FEM1B: variants seen among roughly 807,000 people sequenced by gnomAD.
The protein encoded by FEM1B is fem-1 homolog B.
In FEM1B, 10 loss-of-function variants were observed where a neutral mutation model predicts 38.6. The observed-to-expected ratio is 0.26, with a 90% confidence interval of 0.16 to 0.44. The LOEUF (loss-of-function observed/expected upper bound fraction) is 0.44. Among genes scored for constraint, FEM1B ranks in the 20% least tolerant of loss-of-function variants. The pLI is 1.00. For missense variants in FEM1B, 471 were observed against 786.7 expected (o/e 0.60, Z 4.80); for synonymous variants, 288 against 288.0 (o/e 1.00, Z 0.00).
chr15:68,279,542 G>A (rs963219082), intron 1 of FEM1B, among the ~76,000 whole-genome samples: 2 of 151,938 alleles, frequency 1.3e-5, no homozygotes, highest in Non-Finnish European at 2.9e-5. Context: ...TGCTACATAT[G>A]TTTTGGTTGA....
rs372215057 is a variant in FEM1B, at chr15:68,289,602, T to C, written c.249-5T>C. 1.2e-6 allele frequency: 2 copies of C among 1,611,402 alleles called. No individual in the cohort carries two copies. Among genetic ancestry groups the C allele is most frequent in the African/African-American group, 1.3e-5 (1 of 74,858 alleles). ...TATCTAACTGCTTATTCTTTTCATG[T>C]GTAGGTATGTCATTGATGGTGCCAC... is the stretch of plus-strand genomic sequence containing the variant. On this transcript the variant is annotated splice_region_variant and splice_polypyrimidine_tract_variant and intron_variant, in intron 1 of 1. Coordinates refer to ENST00000306917, the MANE Select transcript of FEM1B (RefSeq NM_015322.5). This position sits in a 1 kb window ranked among gnomAD's most constrained non-coding sequence, Gnocchi z 6.9.
In FEM1B at chr15:68,295,134, T is replaced by C. The variant is rs1479890856; in HGVS notation, c.*3892T>C. On this transcript the variant is annotated 3_prime_UTR_variant, in exon 2 of 2. Coordinates refer to ENST00000306917, the MANE Select transcript of FEM1B (RefSeq NM_015322.5). ...TTAAAACTGTAAAGTAAATGTGGTC[T>C]CTAGGTTTGTGGTGTGTACCTTTGT... 2.6e-5 allele frequency: 4 copies of C among 152,228 alleles called. No homozygotes were observed. The highest frequency in any genetic ancestry group is 9.6e-5 in the African/African-American group (4 of 41,466). 9.4% of individuals were successfully genotyped at this position (152,228 alleles called of 1,614,324 possible).
Position 68,280,850 on chromosome 15 carries a change from G to C in FEM1B, c.248+2185G>C, listed in dbSNP as rs1892718438. 6.6e-6 allele frequency among the ~76,000 whole-genome samples: 1 copy of C among 152,196 alleles called. No homozygotes were observed. The highest frequency in any genetic ancestry group is 2.4e-5 in the African/African-American group (1 of 41,442). On this transcript the variant is annotated intron_variant, in intron 1 of 1. Transcript: ENST00000306917. The surrounding 1 kb of genome is among the most constrained non-coding windows in gnomAD (Gnocchi z 4.2). ...TTAGCTTATGGATTATTACAATTATGAATTTATTAGCTGCTATGTAAAAAT... is the reference window on the plus strand; with the variant it reads ...TTAGCTTATGGATTATTACAATTATCAATTTATTAGCTGCTATGTAAAAAT...
chr15:68,278,714 A>G lies in FEM1B; in HGVS notation c.248+49A>G. The G allele has an allele frequency of 6.2e-7, 1 of 1,607,042 alleles. No individual in the cohort carries two copies. Among genetic ancestry groups the G allele is most frequent in the Non-Finnish European group, 8.5e-7 (1 of 1,174,750 alleles). On this transcript the variant is annotated intron_variant, in intron 1 of 1. Transcript: ENST00000306917. This position sits in a 1 kb window ranked among gnomAD's most constrained non-coding sequence, Gnocchi z 5.7. ...CTCTCCGACGCGCGCGGACTCGTTA[A>G]TTCACGGGCCCTCCCCTCCCTCACC...
At position 68,291,033 on chromosome 15, in the gene FEM1B, C is replaced by T; in HGVS notation, c.1675C>T (p.Leu559=). ...GACCTTGCACTCCATCATCATTAGC[C>T]TAGTTGAAGCCGGAGCTCACACTGA... ...FLTLHSIIIS[L]VEAGAHTDMT... is the part of the protein sequence containing the mutation. Residue 559 remains leucine (L), a synonymous_variant, in exon 2 of 2, where the codon CTA becomes TTA. Transcript: ENST00000306917. The surrounding 1 kb of genome is among the most constrained non-coding windows in gnomAD (Gnocchi z 6.9). 1.9e-6 allele frequency: 3 copies of T among 1,614,118 alleles called. No homozygotes were observed. Among genetic ancestry groups the T allele is most frequent in the Non-Finnish European group, 1.7e-6 (2 of 1,179,996 alleles).
chr15:68,289,901 T>C lies in FEM1B; in HGVS notation c.543T>C (p.Asn181=). ...TTTTAGAACAACGTGCTGATCCCAA[T>C]GCCAAAGCACATTGTGGAGCCACAG... ...RYLLEQRADP[N]AKAHCGATAL... is the part of the protein sequence containing the mutation. The change falls in exon 2 of 2, where the codon AAT becomes AAC. Residue 181 remains asparagine (N), a synonymous_variant. Coordinates refer to ENST00000306917, the MANE Select transcript of FEM1B (RefSeq NM_015322.5). The surrounding 1 kb of genome is among the most constrained non-coding windows in gnomAD (Gnocchi z 6.9). The C allele has an allele frequency of 6.2e-7, 1 of 1,613,998 alleles. No individual in the cohort carries two copies. The highest frequency in any genetic ancestry group is 8.5e-7 in the Non-Finnish European group (1 of 1,179,944).
chr15:68,288,739 G>GTTGA lies in FEM1B; in HGVS notation c.249-863_249-860dup, dbSNP rs766133819. ...CTGTTAGTATTTTTTTCCTGTAGTGGTTGATTGAGGAACACACAGACAAGC... is the reference window on the plus strand; with the variant it reads ...CTGTTAGTATTTTTTTCCTGTAGTGGTTGATTGATTGAGGAACACACAGACAAGC... On this transcript the variant is annotated intron_variant, in intron 1 of 1. Transcript: ENST00000306917. The surrounding 1 kb of genome is among the most constrained non-coding windows in gnomAD (Gnocchi z 4.6). Among the ~76,000 whole-genome samples, 19 of 152,182 alleles carry GTTGA rather than the reference G, an allele frequency of 1.2e-4. No homozygotes were observed. The highest frequency in any genetic ancestry group is 2.1e-4 in the Non-Finnish European group (14 of 68,006).
rs1293292795 is a variant in FEM1B, at chr15:68,294,112, T to TGAA, written c.*2872_*2874dup. The TGAA allele has an allele frequency of 6.6e-6, 1 of 152,184 alleles. No individual in the cohort carries two copies. The highest frequency in any genetic ancestry group is 1.9e-4 in the East Asian group (1 of 5,204). The allele number at this position is 152,184 out of a possible 1,614,324, so 9.4% of individuals were successfully genotyped here. A position where few individuals can be genotyped will look rare whatever the true frequency, so the allele number is the denominator to read the frequency against. On this transcript the variant is annotated 3_prime_UTR_variant, in exon 2 of 2. Transcript: ENST00000306917. This position sits in a 1 kb window ranked among gnomAD's most constrained non-coding sequence, Gnocchi z 4.4. The stretch of plus-strand genomic sequence containing the variant: ...TGATAGAGTTGGCAAAATTGAACTA[T>TGAA]GAAGTTAACTATTTAACTCAAGGAA...
rs201133680 is a variant in FEM1B, at chr15:68,290,560, C to A, written c.1202C>A (p.Thr401Asn). ...TCACAAATGATACATTTGAATGAAA[C>A]TGTGAAGGCCCCAGACATAGAATGT... ...VFSQMIHLNE[T>N]VKAPDIECVL... Residue 401 changes from threonine (T) to asparagine (N), a missense_variant, in exon 2 of 2, where the codon ACT becomes AAT. This residue lies in a region of FEM1B where 380 missense variants were observed against 599.6 expected (regional missense o/e 0.63). Transcript: ENST00000306917. This position sits in a 1 kb window ranked among gnomAD's most constrained non-coding sequence, Gnocchi z 9.7. 640 of 1,614,144 alleles carry A rather than the reference C, an allele frequency of 4.0e-4. 5 individuals carry two copies. The South Asian group carries it at 6.8e-3, about 17-fold the overall frequency.
At position 68,277,879 on chromosome 15, in the gene FEM1B, A is replaced by C. The variant is rs1215783110; in HGVS notation, c.-539A>C. The stretch of plus-strand genomic sequence containing the variant: ...TCCGGGGCCGTTGGCAGCGCCTGGC[A>C]CTTCTGAGCTCGGCGGACGAGAGCC... On this transcript the variant is annotated 5_prime_UTR_variant, in exon 1 of 2. Coordinates refer to ENST00000306917, the MANE Select transcript of FEM1B (RefSeq NM_015322.5). The C allele has an allele frequency of 6.6e-6, 1 of 152,510 alleles. No homozygotes were observed. The highest frequency in any genetic ancestry group is 2.4e-5 in the African/African-American group (1 of 41,474). 9.4% of individuals were successfully genotyped at this position (152,510 alleles called of 1,614,324 possible). A position where few individuals can be genotyped will look rare whatever the true frequency, so the allele number is the denominator to read the frequency against.
chr15:68,287,830 C>CT (rs71455589), intron 1 of FEM1B, among the ~76,000 whole-genome samples: 10,575 of 114,592 alleles, frequency 0.092, 698 homozygotes, highest in Non-Finnish European at 0.14. Flanking sequence ...GCTAACGTCT[C>CT]TTTTTTTTTT....
At chr15:68,285,199 TA>T (rs1892772910) in intron 1 of FEM1B, among the ~76,000 whole-genome samples, 1 of 152,210 alleles carries the variant, frequency 6.6e-6, no homozygotes. Context: ...CATGTATCAG[TA>T]GTTTCTTTTT....
intron 1 of FEM1B, among the ~76,000 whole-genome samples, chr15:68,287,697 C>G (rs1405652157): frequency 1.3e-5 from 2 of 152,096 alleles, no homozygotes; most frequent in Non-Finnish European, 2.9e-5. Context: ...TTTCTGGAAG[C>G]TGGAATGTTC....
At position 68,284,512 on chromosome 15, in the gene FEM1B, G is replaced by C. The variant is rs537962085; in HGVS notation, c.249-5095G>C. ...CCTATTTTTGTTTTTAATTATATCTGTTTTTTTAGTGGAGGTATATCATAT... is the reference window on the plus strand; with the variant it reads ...CCTATTTTTGTTTTTAATTATATCTCTTTTTTTAGTGGAGGTATATCATAT... On this transcript the variant is annotated intron_variant, in intron 1 of 1. Coordinates refer to ENST00000306917, the MANE Select transcript of FEM1B (RefSeq NM_015322.5). This position sits in a 1 kb window ranked among gnomAD's most constrained non-coding sequence, Gnocchi z 4.4. Among the ~76,000 whole-genome samples the C allele has an allele frequency of 6.7e-6, 1 of 148,600 alleles. No individual in the cohort carries two copies. Among genetic ancestry groups the C allele is most frequent in the African/African-American group, 2.6e-5 (1 of 38,274 alleles).
chr15:68,291,452 C>T lies in FEM1B; in HGVS notation c.*210C>T. On this transcript the variant is annotated 3_prime_UTR_variant, in exon 2 of 2. Coordinates refer to ENST00000306917, the MANE Select transcript of FEM1B (RefSeq NM_015322.5). This position sits in a 1 kb window ranked among gnomAD's most constrained non-coding sequence, Gnocchi z 6.9. ...ACAAAACCACATTGTTTTGGTGTAA[C>T]TATAAGGTATTTGCATATTGGTTAC... 2.0e-6 allele frequency: 1 copy of T among 497,610 alleles called. No individual in the cohort carries two copies. Among genetic ancestry groups the T allele is most frequent in the East Asian group, 3.1e-5 (1 of 32,044 alleles). 30.8% of individuals were successfully genotyped at this position (497,610 alleles called of 1,614,324 possible).
Position 68,291,305 on chromosome 15 carries a change from C to A in FEM1B, c.*63C>A. 1 of 1,248,274 alleles carries A rather than the reference C, an allele frequency of 8.0e-7. No individual in the cohort carries two copies. The highest frequency in any genetic ancestry group is 1.1e-6 in the Non-Finnish European group (1 of 892,554). 77.3% of individuals were successfully genotyped at this position (1,248,274 alleles called of 1,614,324 possible). On this transcript the variant is annotated 3_prime_UTR_variant, in exon 2 of 2. Transcript: ENST00000306917. The surrounding 1 kb of genome is among the most constrained non-coding windows in gnomAD (Gnocchi z 6.9). ...AAAGTAAAGGACTTTTAATCACAGA[C>A]AGTAGAATTATGTGTTCATAAATTC...
rs60111545 is a variant in FEM1B, at chr15:68,292,638, CTTTT to C, written c.*1404_*1407del. On this transcript the variant is annotated 3_prime_UTR_variant, in exon 2 of 2. Coordinates refer to ENST00000306917, the MANE Select transcript of FEM1B (RefSeq NM_015322.5). ...TGGTACTGTAAGTGAAGACCTGTAG[CTTTT>C]TTTTTTTCTTTAATGAAAAGCATTA... The C allele has an allele frequency of 6.9e-6, 1 of 145,186 alleles. No homozygotes were observed. The highest frequency in any genetic ancestry group is 1.5e-5 in the Non-Finnish European group (1 of 65,916). 9.0% of individuals were successfully genotyped at this position (145,186 alleles called of 1,614,324 possible).
chr15:68,290,097 A>G lies in FEM1B; in HGVS notation c.739A>G (p.Arg247Gly). 1.2e-6 allele frequency: 2 copies of G among 1,614,216 alleles called. No individual in the cohort carries two copies. The highest frequency in any genetic ancestry group is 2.2e-5 in the East Asian group (1 of 44,890). Residue 247 changes from arginine (R) to glycine (G), a missense_variant, in exon 2 of 2, where the codon AGA becomes GGA. Around this residue, in one of 3 missense-constraint regions of FEM1B, gnomAD observed 380 missense variants for 599.6 expected, o/e 0.63. Coordinates refer to ENST00000306917, the MANE Select transcript of FEM1B (RefSeq NM_015322.5). The surrounding 1 kb of genome is among the most constrained non-coding windows in gnomAD (Gnocchi z 9.7). ...ACTCTCTCATGCTGATTGCGACCGA[A>G]GAAGTCGGATTGAAGCTTTGGAACT... ...LLLSHADCDR[R>G]SRIEALELLG...
In FEM1B at chr15:68,281,692, A is replaced by C. The variant is rs192340158; in HGVS notation, c.248+3027A>C. The stretch of plus-strand genomic sequence containing the variant: ...GAGTGCAGTGGCGCGATCTCGGCTC[A>C]CTGCAAGCTCTGCCTTCCGGGTTCA... On this transcript the variant is annotated intron_variant, in intron 1 of 1. Coordinates refer to ENST00000306917, the MANE Select transcript of FEM1B (RefSeq NM_015322.5). The surrounding 1 kb of genome is among the most constrained non-coding windows in gnomAD (Gnocchi z 5.1). Among the ~76,000 whole-genome samples the C allele has an allele frequency of 0.017, 2,586 of 151,982 alleles. 55 individuals are homozygous for C. Among genetic ancestry groups the C allele is most frequent in the Non-Finnish European group, 0.021 (1,397 of 67,998 alleles).
Sources: allele counts gnomAD v4.1 joint callset (sites outside exome capture counted in the v4.1 genomes callset), GRCh38; gene constraint gnomAD v4.1.1; regional missense constraint gnomAD v4.1.1; non-coding constraint Gnocchi (gnomAD v3.1); transcripts MANE v1.5; gene names NCBI Gene and HGNC (gene_info 2026-07-23, HGNC 2026-07-21).